Variants in C3orf18 observed in about 807,000 individuals in gnomAD.
C3orf18 encodes uncharacterized protein C3orf18.
A neutral mutation model predicts 14.1 loss-of-function variants in C3orf18; 12 were observed. That is an observed-to-expected ratio of 0.85 (90% CI 0.55 to 1.38). C3orf18 has a LOEUF of 1.38. C3orf18 is among the 40% of genes most tolerant of loss of function. The pLI is 0.00. For missense variants in C3orf18, 196 were observed against 213.9 expected (o/e 0.92, Z 0.52); for synonymous variants, 82 against 87.9 (o/e 0.93, Z 0.38).
Position 50,559,577 on chromosome 3 carries a change from G to C in C3orf18, c.*80C>G. ...TTGGCAGGGAAGATCTTCAGAGTAGGTCTTGACAATCAGGGAGTGGGGAGC... is the reference window on the plus strand; with the variant it reads ...TTGGCAGGGAAGATCTTCAGAGTAGCTCTTGACAATCAGGGAGTGGGGAGC... On this transcript the variant is annotated 3_prime_UTR_variant, in exon 6 of 6. Transcript: ENST00000357203. The C allele has an allele frequency of 2.7e-6, 4 of 1,463,614 alleles. No individual in the cohort carries two copies. Among genetic ancestry groups the C allele is most frequent in the Non-Finnish European group, 3.6e-6 (4 of 1,100,836 alleles). The allele number at this position is 1,463,614 out of a possible 1,614,324, so 90.7% of individuals were successfully genotyped here.
At chr3:50,567,353 T>C (rs1457653824) in intron 1 of C3orf18, 110 bp downstream of exon 1, 1 of 152,388 alleles carries the variant, frequency 6.6e-6, no homozygotes, top group Non-Finnish European at 1.5e-5. Context: ...AGAACCCGCA[T>C]GCTGTTCTCC....
chr3:50,567,814 G>A (rs891273859), upstream of C3orf18: 1 of 152,434 alleles, frequency 6.6e-6, no homozygotes, highest in South Asian at 2.1e-4. Flanking sequence ...AGCCCGCCCA[G>A]AATTGGACCG....
upstream of C3orf18, among the ~76,000 whole-genome samples, chr3:50,572,882 G>T (rs1429288932): frequency 6.6e-6 from 1 of 152,214 alleles, no homozygotes; most frequent in African/African-American, 2.4e-5. Flanking sequence ...TGACAGAGCT[G>T]GGAGCCAGAG....
At chr3:50,561,213 A>T in intron 4 of C3orf18, 149 bp from the exon 5 acceptor site, 1 of 864,058 alleles carries the variant, frequency 1.2e-6, no homozygotes, top group Non-Finnish European at 1.8e-6. Context: ...AAAATGACAG[A>T]CATTTTTGCA....
upstream of C3orf18, among the ~76,000 whole-genome samples, chr3:50,568,286 G>A (rs1700498776): frequency 6.6e-6 from 1 of 152,116 alleles, no homozygotes; most frequent in South Asian, 2.1e-4. Context: ...TCCATCCACG[G>A]CATGATCAGC....
At chr3:50,571,752 T>C (rs762259202), upstream of C3orf18, 1 of 1,614,164 alleles carries the variant, frequency 6.2e-7, no homozygotes. Flanking sequence ...GCCCTTGACC[T>C]CTCAGCAACT....
chr3:50,560,057 G>T (rs1476659378), intron 5 of C3orf18, among the ~76,000 whole-genome samples: 2 of 152,232 alleles, frequency 1.3e-5, no homozygotes, highest in African/African-American at 4.8e-5. Flanking sequence ...GGAGGAACAT[G>T]GGAAACAAGT....
chr3:50,571,894 T>G (rs1701008795), upstream of C3orf18: 1 of 1,380,918 alleles, frequency 7.2e-7, no homozygotes, highest in Non-Finnish European at 1.0e-6. Flanking sequence ...GAGGAGAATG[T>G]CCAAGGACTA....
intron 1 of C3orf18, among the ~76,000 whole-genome samples, chr3:50,566,627 T>C (rs1168974137): frequency 1.3e-5 from 2 of 151,358 alleles, no homozygotes; most frequent in African/African-American, 2.4e-5. Context: ...GAGGCTGATG[T>C]GGAAAGACCA....
Position 50,565,408 on chromosome 3 carries a change from T to C in C3orf18, c.234+58A>G. ...ACAACCAGATTGTCTTCTGATTGAT[T>C]AGGTTCTCTATAAATCTAAACACTG... On this transcript the variant is annotated intron_variant, in intron 3 of 5. Transcript: ENST00000357203. This position sits in a 1 kb window ranked among gnomAD's most constrained non-coding sequence, Gnocchi z 4.4. The C allele has an allele frequency of 7.1e-6, 9 of 1,262,676 alleles. No individual in the cohort carries two copies. The highest frequency in any genetic ancestry group is 1.0e-5 in the Non-Finnish European group (9 of 876,626). 78.2% of individuals were successfully genotyped at this position (1,262,676 alleles called of 1,614,324 possible).
Position 50,565,643 on chromosome 3 carries a change from A to T in C3orf18, c.57T>A (p.Ser19=). The T allele has an allele frequency of 6.2e-7, 1 of 1,613,412 alleles. No homozygotes were observed. The highest frequency in any genetic ancestry group is 8.5e-7 in the Non-Finnish European group (1 of 1,180,012). The change falls in exon 3 of 6, where the codon TCT becomes TCA. Residue 19 remains serine, a synonymous_variant. Coordinates refer to ENST00000357203, the MANE Select transcript of C3orf18 (RefSeq NM_016210.5). This position sits in a 1 kb window ranked among gnomAD's most constrained non-coding sequence, Gnocchi z 4.4. ...RGWFSSRPPT[S]ESDLEPATDG... ...CTGTGGCAGGTTCCAGGTCAGACTCAGAGGTGGGTGGGCGGCTGCTGAACC... is the reference window on the plus strand; with the variant it reads ...CTGTGGCAGGTTCCAGGTCAGACTCTGAGGTGGGTGGGCGGCTGCTGAACC...
upstream of C3orf18, chr3:50,572,219 C>T (rs201228293): frequency 2.5e-6 from 4 of 1,610,982 alleles, no homozygotes; most frequent in East Asian, 8.9e-5. Flanking sequence ...GTAGGTGTGC[C>T]ACCAGGGCAA....
At chr3:50,560,554 A>T (rs1038815554) in intron 5 of C3orf18, among the ~76,000 whole-genome samples, 3 of 152,228 alleles carry the variant, frequency 2.0e-5, no homozygotes, top group Non-Finnish European at 2.9e-5. Flanking sequence ...AGTCTCTCCC[A>T]TTAGTCCTTT....
Position 50,565,539 on chromosome 3 carries a change from C to G in C3orf18, c.161G>C (p.Gly54Ala), listed in dbSNP as rs1011864348. ...FNDTRIPDAA[G>A]GTAGVGTMLL... ...CATGGTACCCACGCCGGCCGTGCCA[C>G]CAGCTGCATCAGGGATTCTGGTGTC... is the stretch of plus-strand genomic sequence containing the variant. The change falls in exon 3 of 6, where the codon GGT becomes GCT. Residue 54 changes from glycine (G) to alanine (A), a missense_variant. By Grantham distance (60) the Gly-to-Ala change is moderately conservative. Transcript: ENST00000357203. This position sits in a 1 kb window ranked among gnomAD's most constrained non-coding sequence, Gnocchi z 4.4. The G allele has an allele frequency of 6.2e-7, 1 of 1,614,050 alleles. No homozygotes were observed. Among genetic ancestry groups the G allele is most frequent in the South Asian group, 1.1e-5 (1 of 91,066 alleles).
chr3:50,572,093 C>T, upstream of C3orf18: 2 of 1,613,550 alleles, frequency 1.2e-6, no homozygotes, highest in Non-Finnish European at 1.7e-6. Context: ...CCCTGATGAC[C>T]ACCCAGCTGC....
upstream of C3orf18, among the ~76,000 whole-genome samples, chr3:50,574,417 G>C (rs773788031): frequency 3.3e-5 from 5 of 152,196 alleles, no homozygotes; most frequent in Non-Finnish European, 7.4e-5. Context: ...GCCACTAGTG[G>C]TGGCAGGGGC....
chr3:50,563,387 G>C (rs1239567992), intron 3 of C3orf18, among the ~76,000 whole-genome samples: 2 of 151,908 alleles, frequency 1.3e-5, no homozygotes, highest in Non-Finnish European at 1.5e-5. Flanking sequence ...CTGAGACCCT[G>C]GGATTCAGAA....
At chr3:50,572,102 G>A, upstream of C3orf18, 2 of 1,613,704 alleles carry the variant, frequency 1.2e-6, no homozygotes, top group Non-Finnish European at 1.7e-6. Flanking sequence ...CCACCCAGCT[G>A]CCCCCTCTGC....
chr3:50,572,116 A>G, upstream of C3orf18: 1 of 1,613,922 alleles, frequency 6.2e-7, no homozygotes, highest in South Asian at 1.1e-5. Flanking sequence ...CCTCTGCAGG[A>G]TGCCGGTGCA....
Sources: gnomAD v4.1 joint callset for allele counts (sites outside exome capture counted in the v4.1 genomes callset) on GRCh38, gnomAD v4.1.1 for gene constraint, Gnocchi (gnomAD v3.1) non-coding constraint, MANE v1.5 for transcripts, NCBI Gene and HGNC (gene_info 2026-07-23, HGNC 2026-07-21) for gene names.